BMP8B: variants seen among roughly 807,000 people sequenced by gnomAD.
BMP8B encodes bone morphogenetic protein 8b, also known as bone morphogenetic protein 8 (osteogenic protein 2).
A neutral mutation model predicts 30.3 loss-of-function variants in BMP8B; 17 were observed. The ratio of observed to expected loss-of-function variants is 0.56; its 90% CI spans 0.38 to 0.84. BMP8B has a LOEUF of 0.84. Ranked by LOEUF, BMP8B falls within the 40% of genes least tolerant of loss-of-function variation. The pLI is 0.00. For synonymous variants in BMP8B, 131 were observed against 214.7 expected, an observed-to-expected ratio of 0.61 and a Z score of 3.41; for missense variants, 253 against 494.6, an observed-to-expected ratio of 0.51 and a Z score of 4.63.
chr1:39,770,486 T>C, intron 3 of BMP8B: 1 of 1,610,332 alleles, frequency 6.2e-7, no homozygotes, highest in Non-Finnish European at 8.5e-7. Flanking sequence ...GTGGATGTCT[T>C]CTGGGGGGAA....
rs555880898 is a variant in BMP8B, at chr1:39,775,145, G to A, written c.335-107C>T. ...CCAGCCACCCACCACTCAAGGTGGA[G>A]CGGACCCAGGGAGGCCTGGGTGGGG... On this transcript the variant is annotated intron_variant, in intron 1 of 6. Coordinates refer to ENST00000372827, the MANE Select transcript of BMP8B (RefSeq NM_001720.5). 1.7e-4 allele frequency: 253 copies of A among 1,521,982 alleles called. 1 individual carries two copies. In the East Asian group the frequency reaches 2.3e-3, roughly 14 times the overall value. The allele number at this position is 1,521,982 out of a possible 1,614,324, so 94.3% of individuals were successfully genotyped here. A position where few individuals can be genotyped will look rare whatever the true frequency, so the allele number is the denominator to read the frequency against.
chr1:39,767,312 G>T (rs572962739), intron 3 of BMP8B, among the ~76,000 whole-genome samples: 350 of 151,620 alleles, frequency 2.3e-3, no homozygotes, highest in Non-Finnish European at 4.2e-3. Flanking sequence ...ACTGTCCAAG[G>T]TCCCAGAGCA....
Position 39,788,531 on chromosome 1 carries a change from G to C in BMP8B, c.-46C>G. On this transcript the variant is annotated 5_prime_UTR_variant, in exon 1 of 7. Coordinates refer to ENST00000372827, the MANE Select transcript of BMP8B (RefSeq NM_001720.5). This position sits in a 1 kb window ranked among gnomAD's most constrained non-coding sequence, Gnocchi z 5.8. The stretch of plus-strand genomic sequence containing the variant: ...CTGGGGCGCTCAGCGGGCGCGCATC[G>C]GCTCCGCGGCCGACCCAGGGCCTGG... The C allele has an allele frequency of 1.0e-6, 1 of 999,552 alleles. No homozygotes were observed. The allele number at this position is 999,552 out of a possible 1,614,324, so 61.9% of individuals were successfully genotyped here.
Position 39,763,386 on chromosome 1 carries a change from C to CCCCTCCCCAGCCGG in BMP8B, c.949-198_949-185dup, listed in dbSNP as rs751592521. On this transcript the variant is annotated intron_variant, in intron 5 of 6. Transcript: ENST00000372827. ...CATCCCCCATATCTTCACTTTGCGT[C>CCCCTCCCCAGCCGG]CCCTCCCCAGCCGGCCCTCCCCTGC... Among the ~76,000 whole-genome samples the CCCCTCCCCAGCCGG allele has an allele frequency of 1.7e-3, 227 of 137,390 alleles. 7 individuals carry two copies. The highest frequency in any genetic ancestry group is 4.3e-3 in the African/African-American group (161 of 37,674). The allele number at this position is 137,390 out of a possible 152,430, so 90.1% of individuals were successfully genotyped here. A position where few individuals can be genotyped will look rare whatever the true frequency, so the allele number is the denominator to read the frequency against.
At chr1:39,787,976 A>T (rs1389978881) in intron 1 of BMP8B, among the ~76,000 whole-genome samples, 176 bp downstream of exon 1, 1 of 152,110 alleles carries the variant, frequency 6.6e-6, no homozygotes, top group Admixed American at 6.5e-5. Context: ...CCCGCAGCCC[A>T]GGGGGCCCCC....
chr1:39,771,584 G>T (rs1011139638), intron 3 of BMP8B, among the ~76,000 whole-genome samples: 1 of 150,996 alleles, frequency 6.6e-6, no homozygotes, highest in African/African-American at 2.5e-5. Flanking sequence ...CAACCACCCC[G>T]CCCAAGCTTC....
rs186708160 is a variant in BMP8B, at chr1:39,762,850, A to G, written c.1059+242T>C. 2.7e-3 allele frequency among the ~76,000 whole-genome samples: 404 copies of G among 152,384 alleles called. 1 individual carries two copies. Among genetic ancestry groups the G allele is most frequent in the African/African-American group, 9.2e-3 (383 of 41,590 alleles). On this transcript the variant is annotated intron_variant, in intron 6 of 6. Coordinates refer to ENST00000372827, the MANE Select transcript of BMP8B (RefSeq NM_001720.5). ...CAGGAGTTTGTTCGGTGCATAGAAC[A>G]GGCATGTGTACACGACTGTTCACGT...
chr1:39,784,673 C>T (rs1235479975), intron 1 of BMP8B, among the ~76,000 whole-genome samples: 1 of 122,532 alleles, frequency 8.2e-6, no homozygotes, highest in Non-Finnish European at 1.8e-5. Flanking sequence ...AAGGAAGTGG[C>T]CCTGGGGCCC....
rs540174002 is a variant in BMP8B, at chr1:39,784,554, T to C, written c.334+3598A>G. Reference sequence around the variant, plus strand: ...GAGGGCAGGGACTTTACTTCTCTCATTGTTATATCCCCAGCAACTAGAACT... The same window carrying C: ...GAGGGCAGGGACTTTACTTCTCTCACTGTTATATCCCCAGCAACTAGAACT... On this transcript the variant is annotated intron_variant, in intron 1 of 6. Transcript: ENST00000372827. Among the ~76,000 whole-genome samples the C allele has an allele frequency of 1.9e-4, 20 of 105,646 alleles. 1 individual carries two copies. The East Asian group carries it at 5.4e-3, about 29-fold the overall frequency. 69.3% of individuals were successfully genotyped at this position (105,646 alleles called of 152,430 possible).
At chr1:39,778,978 G>A (rs900776215) in intron 1 of BMP8B, among the ~76,000 whole-genome samples, 3 of 152,188 alleles carry the variant, frequency 2.0e-5, no homozygotes, top group Admixed American at 2.0e-4. Flanking sequence ...TGCAGAGATG[G>A]GGAAACTGAG....
At chr1:39,760,672 C>G (rs142417178) in intron 6 of BMP8B, 104 bp from the exon 7 acceptor site, 1 of 1,406,094 alleles carries the variant, frequency 7.1e-7, no homozygotes, top group Admixed American at 2.2e-5. Flanking sequence ...CTGGCCATCT[C>G]CAGGCCACAT....
Position 39,774,835 on chromosome 1 carries a change from C to G in BMP8B, c.524+14G>C. On this transcript the variant is annotated intron_variant, in intron 2 of 6. Transcript: ENST00000372827. ...GGGGGGTTAGGTGGGGCACCCGGGC[C>G]AAGGGGAAGGCACCTGTTGGACTGC... The G allele has an allele frequency of 1.5e-6, 1 of 654,814 alleles. No individual in the cohort carries two copies. Among genetic ancestry groups the G allele is most frequent in the Non-Finnish European group, 2.4e-6 (1 of 412,630 alleles). 40.6% of individuals were successfully genotyped at this position (654,814 alleles called of 1,614,324 possible).
At chr1:39,776,679 C>G (rs1049142246) in intron 1 of BMP8B, among the ~76,000 whole-genome samples, 1 of 152,194 alleles carries the variant, frequency 6.6e-6, no homozygotes, top group Non-Finnish European at 1.5e-5. Context: ...CCACAGCACC[C>G]AAGGGTGTCT....
In BMP8B at chr1:39,766,690, G is replaced by A. The variant is rs528138494; in HGVS notation, c.674-1873C>T. 1.5e-4 allele frequency among the ~76,000 whole-genome samples: 22 copies of A among 143,580 alleles called. No individual in the cohort carries two copies. In the East Asian group the frequency reaches 3.5e-3, roughly 23 times the overall value. 94.2% of individuals were successfully genotyped at this position (143,580 alleles called of 152,430 possible). A position where few individuals can be genotyped will look rare whatever the true frequency, so the allele number is the denominator to read the frequency against. ...GCATGGACAAGAGCTGCTGAGACAG[G>A]GAGGCTGTGAGCTGCAGATGCTAAC... On this transcript the variant is annotated intron_variant, in intron 3 of 6. Transcript: ENST00000372827.
At chr1:39,761,317 C>T (rs1485001153) in intron 6 of BMP8B, 1 of 152,846 alleles carries the variant, frequency 6.5e-6, no homozygotes, top group Non-Finnish European at 1.5e-5. Flanking sequence ...CTGGCTCAAC[C>T]TCCACCTCCA....
At chr1:39,782,162 A>C (rs1412381961) in intron 1 of BMP8B, among the ~76,000 whole-genome samples, 13 of 151,340 alleles carry the variant, frequency 8.6e-5, no homozygotes, top group African/African-American at 3.2e-4. Context: ...AAAAAAAAAA[A>C]AAACAAAAAA....
Position 39,788,714 on chromosome 1 carries a change from G to A in BMP8B, c.-229C>T. 9.8e-6 allele frequency: 2 copies of A among 204,944 alleles called. No homozygotes were observed. The highest frequency in any genetic ancestry group is 1.7e-5 in the Non-Finnish European group (2 of 116,530). The allele number at this position is 204,944 out of a possible 1,614,324, so 12.7% of individuals were successfully genotyped here. A position where few individuals can be genotyped will look rare whatever the true frequency, so the allele number is the denominator to read the frequency against. On this transcript the variant is annotated 5_prime_UTR_variant, in exon 1 of 7. Coordinates refer to ENST00000372827, the MANE Select transcript of BMP8B (RefSeq NM_001720.5). The surrounding 1 kb of genome is among the most constrained non-coding windows in gnomAD (Gnocchi z 5.8). Reference sequence around the variant, plus strand: ...GAGAGGACGCGGACGCCACCGCCTCGAGGCCGGGGCTACTCTGCGGACTGG... The same window carrying A: ...GAGAGGACGCGGACGCCACCGCCTCAAGGCCGGGGCTACTCTGCGGACTGG...
chr1:39,786,902 G>A (rs572530978), intron 1 of BMP8B, among the ~76,000 whole-genome samples: 20 of 152,358 alleles, frequency 1.3e-4, no homozygotes, highest in Admixed American at 1.2e-3. Flanking sequence ...TTCTGTCCTA[G>A]TGTAGGAAGC....
chr1:39,781,883 G>A (rs115360270), intron 1 of BMP8B, among the ~76,000 whole-genome samples: 3,538 of 152,264 alleles, frequency 0.023, 60 homozygotes, highest in Non-Finnish European at 0.035. Flanking sequence ...AGGGTAGGGC[G>A]TGGTGGCTCT....
Sources: gnomAD v4.1 joint callset for allele counts (sites outside exome capture counted in the v4.1 genomes callset) on GRCh38, gnomAD v4.1.1 for gene constraint, Gnocchi (gnomAD v3.1) non-coding constraint, MANE v1.5 for transcripts, NCBI Gene and HGNC (gene_info 2026-07-23, HGNC 2026-07-21) for gene names.